The following PALM2AKAP2 variants were observed in gnomAD, a reference collection of about 807,000 sequenced individuals.
PALM2AKAP2 encodes the protein PALM2-AKAP2 fusion protein.
PALM2AKAP2 carries 37 observed loss-of-function variants against 71.5 expected under a neutral mutation model. That is an observed-to-expected ratio of 0.52 (90% CI 0.40 to 0.68). The LOEUF (loss-of-function observed/expected upper bound fraction) is 0.68, where lower values mean the gene tolerates loss of function less well. Ranked by LOEUF, PALM2AKAP2 falls within the 30% of genes least tolerant of loss-of-function variation. The pLI, the probability that PALM2AKAP2 is intolerant of heterozygous loss-of-function variation, is 0.00. For synonymous variants in PALM2AKAP2, 468 were observed against 478.8 expected (o/e 0.98, Z 0.29); for missense variants, 1,224 against 1,191.8 (o/e 1.03, Z -0.40).
At chr9:109,681,883 C>T (rs1827741632) in intron 1 of PALM2AKAP2, among the ~76,000 whole-genome samples, 1 of 152,078 alleles carries the variant, frequency 6.6e-6, no homozygotes, top group Non-Finnish European at 1.5e-5. Flanking sequence ...ACCCCTCTCC[C>T]CATCCCTAAT....
At chr9:110,050,304 C>T (rs1324573075) in intron 1 of PALM2AKAP2, among the ~76,000 whole-genome samples, 1 of 152,174 alleles carries the variant, frequency 6.6e-6, no homozygotes, top group Non-Finnish European at 1.5e-5. Context: ...CTCCTCTCAC[C>T]ATTGGGATCC....
intron 7 of PALM2AKAP2, among the ~76,000 whole-genome samples, chr9:110,022,876 G>A (rs915500794): frequency 1.3e-5 from 2 of 152,048 alleles, no homozygotes; most frequent in African/African-American, 4.8e-5. Flanking sequence ...ATGGTTTCCA[G>A]TTTCATCCAT....
In PALM2AKAP2 at chr9:110,136,511, C is replaced by T. The variant is rs372152814; in HGVS notation, c.541C>T (p.Pro181Ser). 4 of 1,613,908 alleles carry T rather than the reference C, an allele frequency of 2.5e-6. No individual in the cohort carries two copies. The South Asian group carries it at 3.3e-5, about 13-fold the overall frequency. ...AGTGGTTCTGGTGGGCGGCCTAAGC[C>T]CCCCTGTCCACGAGGCGACCCAGCC... The change falls in exon 2 of 4, where the codon CCC (proline) becomes TCC (serine). Residue 181 changes from proline to serine, a missense_variant. Pro to Ser is a moderately conservative substitution (Grantham distance 74). Coordinates refer to ENST00000374525, the Ensembl canonical transcript of PALM2AKAP2.
At chr9:109,842,136 C>T (rs192841125) in intron 1 of PALM2AKAP2, among the ~76,000 whole-genome samples, 105 of 152,204 alleles carry the variant, frequency 6.9e-4, no homozygotes, top group African/African-American at 2.5e-3. Context: ...AGGCCTTTAT[C>T]CACTTCCCTA....
At chr9:110,042,658 T>C (rs560585032) in intron 7 of PALM2AKAP2, among the ~76,000 whole-genome samples, 4 of 152,348 alleles carry the variant, frequency 2.6e-5, no homozygotes, top group African/African-American at 7.2e-5. Context: ...CCTACCAACA[T>C]AGTATTGGAG....
intron 5 of PALM2AKAP2, among the ~76,000 whole-genome samples, chr9:109,927,792 A>T (rs916709100): frequency 6.6e-6 from 1 of 152,166 alleles, no homozygotes; most frequent in South Asian, 2.1e-4. Flanking sequence ...ACGCTCATCT[A>T]TTGGGTGGGT....
intron 1 of PALM2AKAP2, among the ~76,000 whole-genome samples, chr9:109,850,251 A>G (rs1298721648): frequency 6.6e-6 from 1 of 152,242 alleles, no homozygotes; most frequent in East Asian, 1.9e-4. Flanking sequence ...TGGAGGTTGC[A>G]TAAAAGAAAC....
At chr9:109,691,043 A>C (rs1449753850) in intron 1 of PALM2AKAP2, among the ~76,000 whole-genome samples, 1 of 152,166 alleles carries the variant, frequency 6.6e-6, no homozygotes, top group East Asian at 1.9e-4. Flanking sequence ...TTGAAGGGGC[A>C]GTGGAAGAAT....
chr9:109,719,565 C>T (rs1484981052), intron 1 of PALM2AKAP2, among the ~76,000 whole-genome samples: 1 of 152,188 alleles, frequency 6.6e-6, no homozygotes, highest in Non-Finnish European at 1.5e-5. Flanking sequence ...TAGGATCTTG[C>T]TGTGGAAGAG....
At chr9:110,146,185 G>A (rs181225125) in intron 2 of PALM2AKAP2, among the ~76,000 whole-genome samples, 114 of 152,122 alleles carry the variant, frequency 7.5e-4, no homozygotes, top group Non-Finnish European at 2.2e-4. Context: ...GATTACAGGC[G>A]TGAGCCACCG....
At chr9:109,679,637 G>A (rs1206285726) in intron 1 of PALM2AKAP2, among the ~76,000 whole-genome samples, 2 of 152,118 alleles carry the variant, frequency 1.3e-5, no homozygotes, top group African/African-American at 4.8e-5. Flanking sequence ...TCAAAGCATG[G>A]AATTCTAAAG....
intron 1 of PALM2AKAP2, among the ~76,000 whole-genome samples, chr9:109,710,805 C>A (rs950115730): frequency 5.9e-5 from 9 of 152,142 alleles, no homozygotes; most frequent in Non-Finnish European, 1.2e-4. Flanking sequence ...ATGTTTGGAG[C>A]CTCTTGAAAT....
Position 109,907,328 on chromosome 9 carries a change from C to T in PALM2AKAP2, c.258-16407C>T, listed in dbSNP as rs577119308. The stretch of plus-strand genomic sequence containing the variant: ...AGCCCAACACTTGCTTGATAATGCT[C>T]GATAAACATGAATGAGTGACCCAGA... On this transcript the variant is annotated intron_variant, in intron 3 of 9. Transcript: ENST00000302798. Among the ~76,000 whole-genome samples, 5 of 152,304 alleles carry T rather than the reference C, an allele frequency of 3.3e-5. No homozygotes were observed. The South Asian group carries it at 1.0e-3, about 32-fold the overall frequency.
intron 1 of PALM2AKAP2, among the ~76,000 whole-genome samples, chr9:109,794,871 G>A (rs971534745): frequency 1.3e-5 from 2 of 152,234 alleles, no homozygotes; most frequent in African/African-American, 4.8e-5. Context: ...AATGATTGCT[G>A]CAGTACTTGC....
chr9:109,943,604 A>C, intron 6 of PALM2AKAP2: 1 of 792,198 alleles, frequency 1.3e-6, no homozygotes, highest in Non-Finnish European at 2.0e-6. Flanking sequence ...GACAACGTGC[A>C]TGTGTGTGCT....
chr9:109,766,951 G>C (rs1829164252), intron 1 of PALM2AKAP2, among the ~76,000 whole-genome samples: 2 of 152,172 alleles, frequency 1.3e-5, no homozygotes, highest in African/African-American at 2.4e-5. Context: ...GACTCCATTT[G>C]TGAGAATGCT....
intron 3 of PALM2AKAP2, among the ~76,000 whole-genome samples, chr9:110,160,245 G>A (rs1836563174): frequency 6.6e-6 from 1 of 152,208 alleles, no homozygotes; most frequent in Admixed American, 6.5e-5. Context: ...CATCCCTTTA[G>A]TCTGATGCTT....
At chr9:109,935,830 A>G (rs1240815669) in intron 6 of PALM2AKAP2, among the ~76,000 whole-genome samples, 4 of 152,172 alleles carry the variant, frequency 2.6e-5, no homozygotes, top group African/African-American at 9.7e-5. Context: ...ATATCCCTGC[A>G]GTGCTATGTT....
intron 2 of PALM2AKAP2, among the ~76,000 whole-genome samples, chr9:110,153,435 T>G (rs1418505174): frequency 6.6e-6 from 1 of 152,230 alleles, no homozygotes; most frequent in Admixed American, 6.5e-5. Context: ...AAAGAAGTGG[T>G]ATATAAATCC....
Sources: gnomAD v4.1 joint callset for allele counts (sites outside exome capture counted in the v4.1 genomes callset) on GRCh38, gnomAD v4.1.1 for gene constraint, MANE v1.5 for transcripts, NCBI Gene and HGNC (gene_info 2026-07-23, HGNC 2026-07-21) for gene names.